The following VWC2 variants were observed in gnomAD, a reference collection of about 807,000 sequenced individuals.
VWC2 encodes brorin.
Under a neutral mutation model 29.8 loss-of-function variants are expected in VWC2, and 14 were observed. The ratio of observed to expected loss-of-function variants is 0.47; its 90% CI spans 0.31 to 0.74. The LOEUF is 0.74. VWC2 is among the 30% of genes least tolerant of loss of function. VWC2 has a pLI of 0.05. For synonymous variants in VWC2, 213 were observed against 199.0 expected, an observed-to-expected ratio of 1.07 and a Z score of -0.59; for missense variants, 457 against 459.8, an observed-to-expected ratio of 0.99 and a Z score of 0.05.
chr7:49,856,343 C>G (rs1347508166), intron 3 of VWC2, among the ~76,000 whole-genome samples: 2 of 152,138 alleles, frequency 1.3e-5, no homozygotes, highest in African/African-American at 4.8e-5. Flanking sequence ...CCTCCCTTTT[C>G]TCTCTTGCTC....
chr7:49,880,631 G>A (rs1791622109), intron 3 of VWC2, among the ~76,000 whole-genome samples: 2 of 151,656 alleles, frequency 1.3e-5, no homozygotes, highest in Admixed American at 1.3e-4. Flanking sequence ...TAGGGTACAT[G>A]TGAGAACACT....
intron 3 of VWC2, among the ~76,000 whole-genome samples, chr7:49,880,493 CTTCT>C (rs2053747071): frequency 6.6e-6 from 1 of 151,738 alleles, no homozygotes; most frequent in South Asian, 2.1e-4. Flanking sequence ...TCAAATTCAG[CTTCT>C]TTATTAGATA....
chr7:49,811,569 A>G (rs1789007099), intron 3 of VWC2, among the ~76,000 whole-genome samples: 1 of 152,202 alleles, frequency 6.6e-6, no homozygotes, highest in Non-Finnish European at 1.5e-5. Context: ...TTCCTTTATA[A>G]ATAACCCAGT....
chr7:49,775,401 T>TCC lies in VWC2; in HGVS notation c.-32_-31dup. 4.0e-5 allele frequency: 43 copies of TCC among 1,072,746 alleles called. No individual in the cohort carries two copies. Among genetic ancestry groups the TCC allele is most frequent in the Non-Finnish European group, 4.5e-5 (37 of 829,170 alleles). 66.5% of individuals were successfully genotyped at this position (1,072,746 alleles called of 1,614,324 possible). On this transcript the variant is annotated 5_prime_UTR_variant, in exon 2 of 4. It removes the in-frame stop codon of an upstream open reading frame in the 5' UTR. Coordinates refer to ENST00000340652, the MANE Select transcript of VWC2 (RefSeq NM_198570.5). ...AATGCGACTCGCCCCTCGGCCGCGCTCCCCGCCCGCCCGCCCGCCGGGACG... is the reference window on the plus strand; with the variant it reads ...AATGCGACTCGCCCCTCGGCCGCGCTCCCCCCGCCCGCCCGCCCGCCGGGACG...
intron 3 of VWC2, among the ~76,000 whole-genome samples, chr7:49,884,009 G>T (rs1791790546): frequency 6.6e-6 from 1 of 152,204 alleles, no homozygotes; most frequent in Admixed American, 6.5e-5. Context: ...CACGACTGTG[G>T]GTGTGGGGCC....
Position 49,774,131 on chromosome 7 carries a change from C to G in VWC2, c.-104+18C>G, listed in dbSNP as rs572325436. On this transcript the variant is annotated intron_variant, in intron 1 of 3. Coordinates refer to ENST00000340652, the MANE Select transcript of VWC2 (RefSeq NM_198570.5). ...GCGCTCATGTATGTAGGTTTGGCGCCGGTCTTCAGGGCTGAGGGTGCATGC... is the reference window on the plus strand; with the variant it reads ...GCGCTCATGTATGTAGGTTTGGCGCGGGTCTTCAGGGCTGAGGGTGCATGC... 1.1e-3 allele frequency: 162 copies of G among 152,380 alleles called. 1 individual carries two copies. Among genetic ancestry groups the G allele is most frequent in the African/African-American group, 3.8e-3 (157 of 41,568 alleles). The allele number at this position is 152,380 out of a possible 1,614,324, so 9.4% of individuals were successfully genotyped here.
At chr7:49,826,553 CT>C (rs1789396020) in intron 3 of VWC2, among the ~76,000 whole-genome samples, 1 of 151,954 alleles carries the variant, frequency 6.6e-6, no homozygotes. Flanking sequence ...AATGTATGTC[CT>C]AAAAAATTTC....
Position 49,781,899 on chromosome 7 carries a change from C to T in VWC2, c.696+5768C>T, listed in dbSNP as rs144172898. ...CTAAAAGCACTTAGTCCCAGGATTT[C>T]CCTGAGAGCAAGGGGGAATGAGTCC... On this transcript the variant is annotated intron_variant, in intron 2 of 3. Coordinates refer to ENST00000340652, the MANE Select transcript of VWC2 (RefSeq NM_198570.5). 2.9e-3 allele frequency among the ~76,000 whole-genome samples: 441 copies of T among 152,228 alleles called. 1 individual carries two copies. The highest frequency in any genetic ancestry group is 4.9e-3 in the Non-Finnish European group (332 of 68,022).
chr7:49,896,509 A>T (rs1403539722), intron 3 of VWC2, among the ~76,000 whole-genome samples: 1 of 152,178 alleles, frequency 6.6e-6, no homozygotes, highest in African/African-American at 2.4e-5. Flanking sequence ...AAATAAACCA[A>T]AAGCAATGGA....
Position 49,916,131 on chromosome 7 carries a change from C to T in VWC2, c.*3946C>T, listed in dbSNP as rs747450691. 1.3e-5 allele frequency: 2 copies of T among 152,230 alleles called. No homozygotes were observed. The highest frequency in any genetic ancestry group is 2.9e-5 in the Non-Finnish European group (2 of 68,032). The allele number at this position is 152,230 out of a possible 1,614,324, so 9.4% of individuals were successfully genotyped here. A position where few individuals can be genotyped will look rare whatever the true frequency, so the allele number is the denominator to read the frequency against. ...GCCTACTTATGTCATATCCTCACTT[C>T]ACACCAACTTCTTCAGTCTATTATT... On this transcript the variant is annotated 3_prime_UTR_variant, in exon 4 of 4. Transcript: ENST00000340652.
At chr7:49,904,224 G>A (rs1792953775) in intron 3 of VWC2, among the ~76,000 whole-genome samples, 1 of 151,974 alleles carries the variant, frequency 6.6e-6, no homozygotes, top group Non-Finnish European at 1.5e-5. Context: ...ATGATTTGAG[G>A]CTGCTTTTCA....
chr7:49,889,293 A>G (rs1792030453), intron 3 of VWC2, among the ~76,000 whole-genome samples: 1 of 152,218 alleles, frequency 6.6e-6, no homozygotes, highest in Non-Finnish European at 1.5e-5. Context: ...TTAGGCTTCT[A>G]TTGTGAAGGT....
intron 3 of VWC2, among the ~76,000 whole-genome samples, chr7:49,832,198 G>T (rs1453383704): frequency 1.3e-5 from 2 of 152,182 alleles, no homozygotes; most frequent in Admixed American, 1.3e-4. Flanking sequence ...AGAGGGGTGA[G>T]TCTTTGCTGT....
chr7:49,887,769 G>A (rs530958798), intron 3 of VWC2, among the ~76,000 whole-genome samples: 2 of 152,176 alleles, frequency 1.3e-5, no homozygotes, highest in South Asian at 4.2e-4. Flanking sequence ...ACCAACCCAT[G>A]GCACTTCCAC....
chr7:49,778,119 T>C (rs1270964218), intron 2 of VWC2, among the ~76,000 whole-genome samples: 1 of 151,820 alleles, frequency 6.6e-6, no homozygotes, highest in Non-Finnish European at 1.5e-5. Flanking sequence ...AACTTCTGTC[T>C]TAACAATTCA....
chr7:49,803,615 G>A (rs888718371), intron 3 of VWC2, among the ~76,000 whole-genome samples: 1 of 152,192 alleles, frequency 6.6e-6, no homozygotes, highest in Non-Finnish European at 1.5e-5. Flanking sequence ...ATGTTGCCCA[G>A]GGTATGCTGT....
At chr7:49,875,994 T>C (rs116999722) in intron 3 of VWC2, among the ~76,000 whole-genome samples, 5,016 of 152,282 alleles carry the variant, frequency 0.033, 323 homozygotes, top group Admixed American at 0.16. Context: ...ACACTTATTC[T>C]GTACTGTGAA....
At chr7:49,875,234 G>A (rs545270333) in intron 3 of VWC2, among the ~76,000 whole-genome samples, 30 of 151,528 alleles carry the variant, frequency 2.0e-4, no homozygotes, top group African/African-American at 7.3e-4. Flanking sequence ...GCTGGGCATG[G>A]TGGCATGCGC....
chr7:49,822,208 C>G (rs755747730), intron 3 of VWC2, among the ~76,000 whole-genome samples: 1 of 152,026 alleles, frequency 6.6e-6, no homozygotes, highest in Non-Finnish European at 1.5e-5. Context: ...AAAAAAAACT[C>G]TAGCTTTTGA....
Sources: allele counts gnomAD v4.1 joint callset (sites outside exome capture counted in the v4.1 genomes callset), GRCh38; gene constraint gnomAD v4.1.1; transcripts MANE v1.5; gene names NCBI Gene and HGNC (gene_info 2026-07-23, HGNC 2026-07-21).